The following ABCA8 variants were observed in gnomAD, a reference collection of about 807,000 sequenced individuals.
The protein encoded by ABCA8 is ATP binding cassette subfamily A member 8.
In ABCA8, 177 loss-of-function variants were observed where a neutral mutation model predicts 192.3. That is an observed-to-expected ratio of 0.92 (90% confidence interval 0.81 to 1.04). The LOEUF (loss-of-function observed/expected upper bound fraction) is 1.04, where lower values mean the gene tolerates loss of function less well. ABCA8 is among the 50% of genes least tolerant of loss of function. The pLI is 0.00. For synonymous variants in ABCA8, 642 were observed against 690.2 expected, an observed-to-expected ratio of 0.93 and a Z score of 1.09; for missense variants, 1,915 against 1,904.8, an observed-to-expected ratio of 1.01 and a Z score of -0.10.
intron 30 of ABCA8, 57 bp downstream of exon 30, chr17:68,882,542 A>T (rs952127628): frequency 6.8e-7 from 1 of 1,473,576 alleles, no homozygotes; most frequent in Middle Eastern, 1.8e-4. Context: ...ACTCAAAATC[A>T]TTAGAGAATT....
intron 37 of ABCA8, 117 bp from the exon 38 acceptor site, chr17:68,869,896 A>G: frequency 1.4e-6 from 1 of 693,946 alleles, no homozygotes; most frequent in Non-Finnish European, 2.6e-6. Flanking sequence ...AACATTTAAC[A>G]TGAGATCTAC....
At chr17:68,924,342 G>A (rs1335570069) in intron 11 of ABCA8, among the ~76,000 whole-genome samples, 13 of 98,838 alleles carry the variant, frequency 1.3e-4, no homozygotes, top group Non-Finnish European at 2.4e-4. Context: ...GCAAAATTCC[G>A]TCAAAAAAAA....
chr17:68,901,114 G>A (rs186293664), intron 21 of ABCA8, among the ~76,000 whole-genome samples: 13 of 152,228 alleles, frequency 8.5e-5, no homozygotes, highest in Non-Finnish European at 1.6e-4. Flanking sequence ...GTGTACATCA[G>A]GTGACTAAAA....
chr17:68,906,330 T>C (rs1294061813), intron 18 of ABCA8, among the ~76,000 whole-genome samples, 167 bp from the exon 19 acceptor site: 1 of 152,126 alleles, frequency 6.6e-6, no homozygotes, highest in African/African-American at 2.4e-5. Context: ...AAATTCTATA[T>C]ATTATTTTCT....
At chr17:68,912,761 G>A (rs1236106795) in intron 17 of ABCA8, among the ~76,000 whole-genome samples, 1 of 151,992 alleles carries the variant, frequency 6.6e-6, no homozygotes, top group Non-Finnish European at 1.5e-5. Context: ...TGTTATTAAG[G>A]CTAAAGACAG....
At chr17:68,927,890 A>AT in intron 10 of ABCA8, 26 bp downstream of exon 10, 1 of 1,490,462 alleles carries the variant, frequency 6.7e-7, no homozygotes, top group Non-Finnish European at 9.1e-7. Context: ...TAAATGATAT[A>AT]TGATTTTAAT....
rs1484410563 is a variant in ABCA8 at position 68,911,177 on chromosome 17, G to A, written c.2139-3298C>T. Among the ~76,000 whole-genome samples, 1 of 152,136 alleles carries A rather than the reference G, an allele frequency of 6.6e-6. No homozygotes were observed. Among genetic ancestry groups the A allele is most frequent in the Non-Finnish European group, 1.5e-5 (1 of 68,000 alleles). ...TTCTAGGCCTTGGCTCCTGGATCTG[G>A]ACTTGCCCCAGGCCAGAGGGGAGCC... On this transcript the variant is annotated intron_variant, in intron 17 of 39. Coordinates refer to ENST00000586539, the MANE Select transcript of ABCA8 (RefSeq NM_001288985.2). The surrounding 1 kb of genome is among the most constrained non-coding windows in gnomAD (Gnocchi z 5.7).
At position 68,911,778 on chromosome 17, in the gene ABCA8, G is replaced by A. The variant is rs2067232975; in HGVS notation, c.2139-3899C>T. 7.3e-6 allele frequency among the ~76,000 whole-genome samples: 1 copy of A among 136,658 alleles called. No homozygotes were observed. The highest frequency in any genetic ancestry group is 2.4e-4 in the South Asian group (1 of 4,136). 89.7% of individuals were successfully genotyped at this position (136,658 alleles called of 152,430 possible). ...ACACACACACACACACACTCCATTT[G>A]GAGAAAGATAAGGGAAGGGAACAAG... On this transcript the variant is annotated intron_variant, in intron 17 of 39. Coordinates refer to ENST00000586539, the MANE Select transcript of ABCA8 (RefSeq NM_001288985.2). The surrounding 1 kb of genome is among the most constrained non-coding windows in gnomAD (Gnocchi z 5.7).
chr17:68,882,704 ACTT>A lies in ABCA8; in HGVS notation c.3720_3722del (p.Arg1240del). 1 of 1,611,806 alleles carries A rather than the reference ACTT, an allele frequency of 6.2e-7. No individual in the cohort carries two copies. The highest frequency in any genetic ancestry group is 1.7e-4 in the Middle Eastern group (1 of 6,052). On this transcript the variant is annotated inframe_deletion, in exon 30 of 40. Coordinates refer to ENST00000586539, the MANE Select transcript of ABCA8 (RefSeq NM_001288985.2). ...CTTCTGGATTTTGACACACATCACT[ACTT>A]CTTGGAGAAATTCTAGAGTCAAAAC...
chr17:68,938,236 G>T (rs544094677), intron 4 of ABCA8, among the ~76,000 whole-genome samples: 9 of 151,922 alleles, frequency 5.9e-5, no homozygotes, highest in South Asian at 2.1e-4. Context: ...GTGAGGCGCC[G>T]TTGGAAAGCA....
rs755380597 is a variant in ABCA8, at chr17:68,875,247, C to T, written c.4631+13G>A. 3.1e-6 allele frequency: 5 copies of T among 1,612,758 alleles called. No homozygotes were observed. The highest frequency in any genetic ancestry group is 4.2e-6 in the Non-Finnish European group (5 of 1,179,932). ...ACATTTGGTACCATTTCCAAAACAG[C>T]AACCATGTTTACCTTTCCTGCCGAG... On this transcript the variant is annotated intron_variant, in intron 37 of 39. Coordinates refer to ENST00000586539, the MANE Select transcript of ABCA8 (RefSeq NM_001288985.2).
chr17:68,940,778 G>A lies in ABCA8; in HGVS notation c.281C>T (p.Ala94Val), dbSNP rs1159712153. 2 of 1,613,332 alleles carry A rather than the reference G, an allele frequency of 1.2e-6. No homozygotes were observed. The highest frequency in any genetic ancestry group is 1.7e-5 in the Admixed American group (1 of 59,988). ...CTTACCTGCCAGGAAGGGAGTAGAG[G>A]CTACTTTATTCATTATCTGTTGGGT... ...NTTQQIMNKV[A>V]STPFLAGKEV... is the part of the protein sequence containing the mutation. The change falls in exon 4 of 40, where the codon GCC (alanine) becomes GTC (valine). Residue 94 changes from alanine (A) to valine (V), a missense_variant. Transcript: ENST00000586539.
chr17:68,910,209 A>G (rs1378756305), intron 17 of ABCA8, among the ~76,000 whole-genome samples: 2 of 152,182 alleles, frequency 1.3e-5, no homozygotes, highest in Non-Finnish European at 2.9e-5. Flanking sequence ...AACATCATAT[A>G]AGGAAAGAAG....
At chr17:68,880,956 T>C (rs2066322394) in intron 32 of ABCA8, 164 bp downstream of exon 32, 1 of 638,032 alleles carries the variant, frequency 1.6e-6, no homozygotes, top group South Asian at 1.9e-5. Flanking sequence ...AGTGCTTAGC[T>C]TTTGTGTGCA....
Position 68,881,977 on chromosome 17 carries a change from G to C in ABCA8, c.3832C>G (p.Pro1278Ala), listed in dbSNP as rs773370837. The C allele has an allele frequency of 5.6e-6, 9 of 1,612,000 alleles. No homozygotes were observed. The highest frequency in any genetic ancestry group is 6.8e-6 in the Non-Finnish European group (8 of 1,178,418). ...CGTAGACAGCTGGCAATGATGACTG[G>C]CTTCTGTAAATGACAAGAAGTTATT... is the stretch of plus-strand genomic sequence containing the variant. ...ALNSTNFDEK[P>A]VIIASCLRKE... Residue 1278 changes from proline (P) to alanine (A), a missense_variant, in exon 31 of 40, where the codon CCA (proline) becomes GCA (alanine). Coordinates refer to ENST00000586539, the MANE Select transcript of ABCA8 (RefSeq NM_001288985.2).
intron 17 of ABCA8, among the ~76,000 whole-genome samples, chr17:68,913,402 C>G (rs141054817): frequency 1.1e-4 from 17 of 149,580 alleles, no homozygotes; most frequent in African/African-American, 4.2e-4. Flanking sequence ...AACATCAGAG[C>G]AGAAATAAAT....
At chr17:68,880,976 T>C in intron 32 of ABCA8, 144 bp downstream of exon 32, 1 of 671,494 alleles carries the variant, frequency 1.5e-6, no homozygotes, top group Non-Finnish European at 2.7e-6. Flanking sequence ...ATTTATGTGA[T>C]AATTCGTGAA....
At chr17:68,928,512 T>C (rs1333524498) in intron 9 of ABCA8, among the ~76,000 whole-genome samples, 1 of 152,316 alleles carries the variant, frequency 6.6e-6, no homozygotes, top group African/African-American at 2.4e-5. Flanking sequence ...CTCTTTATAA[T>C]TAACAATCCT....
intron 21 of ABCA8, among the ~76,000 whole-genome samples, chr17:68,897,805 C>T (rs1461844170): frequency 2.0e-5 from 3 of 151,892 alleles, no homozygotes; most frequent in Non-Finnish European, 2.9e-5. Flanking sequence ...TGGGATTATG[C>T]AACCTGAAGA....
Sources: gnomAD v4.1 joint callset for allele counts (sites outside exome capture counted in the v4.1 genomes callset) on GRCh38, gnomAD v4.1.1 for gene constraint, Gnocchi (gnomAD v3.1) non-coding constraint, MANE v1.5 for transcripts, NCBI Gene and HGNC (gene_info 2026-07-23, HGNC 2026-07-21) for gene names.